Variants in PRKD1 observed in about 807,000 individuals in gnomAD.
The protein encoded by PRKD1 is protein kinase D1, also known as serine/threonine-protein kinase D1.
A neutral mutation model predicts 95.9 loss-of-function variants in PRKD1; 63 were observed. That is an observed-to-expected ratio of 0.66 (90% CI 0.54 to 0.81). The LOEUF is 0.81. Ranked by LOEUF, PRKD1 falls within the 30% of genes least tolerant of loss-of-function variation. PRKD1 has a pLI of 0.00. For synonymous variants in PRKD1, 425 were observed against 423.1 expected, an observed-to-expected ratio of 1.00 and a Z score of -0.05; for missense variants, 1,048 against 1,165.3, an observed-to-expected ratio of 0.90 and a Z score of 1.47.
intron 1 of PRKD1, among the ~76,000 whole-genome samples, chr14:29,816,544 A>C (rs2139258292): frequency 6.6e-6 from 1 of 152,348 alleles, no homozygotes; most frequent in South Asian, 2.1e-4. Context: ...TTGCTTTTCA[A>C]GTTCTCATCA....
intron 1 of PRKD1, among the ~76,000 whole-genome samples, chr14:29,903,705 G>T (rs1018928191): frequency 6.6e-6 from 1 of 152,038 alleles, no homozygotes; most frequent in Admixed American, 6.6e-5. Flanking sequence ...AGGGATAAAG[G>T]GGTGACAACT....
intron 2 of PRKD1, among the ~76,000 whole-genome samples, chr14:29,711,150 A>G (rs1018076121): frequency 6.6e-6 from 1 of 152,120 alleles, no homozygotes; most frequent in African/African-American, 2.4e-5. Context: ...AACATTACAC[A>G]TTTGTCCTAG....
chr14:29,648,845 G>A (rs1320434097), intron 4 of PRKD1, among the ~76,000 whole-genome samples: 19 of 152,054 alleles, frequency 1.2e-4, no homozygotes, highest in African/African-American at 4.3e-4. Context: ...TAGTAGAGAC[G>A]GGGTTTCACC....
chr14:29,911,518 A>G (rs779083775), intron 1 of PRKD1, among the ~76,000 whole-genome samples: 49 of 152,176 alleles, frequency 3.2e-4, no homozygotes, highest in African/African-American at 8.0e-4. Flanking sequence ...CTGACATAGA[A>G]GTATCAAATA....
intron 4 of PRKD1, among the ~76,000 whole-genome samples, chr14:29,652,056 T>C (rs915440301): frequency 6.6e-6 from 1 of 152,196 alleles, no homozygotes; most frequent in Non-Finnish European, 1.5e-5. Flanking sequence ...CTTTTTTTCA[T>C]ATTTCTCAGG....
intron 1 of PRKD1, among the ~76,000 whole-genome samples, chr14:29,926,980 A>G (rs1180154698): frequency 6.6e-6 from 1 of 151,886 alleles, no homozygotes; most frequent in Non-Finnish European, 1.5e-5. Context: ...AAATGTCATG[A>G]GAAGGATGGA....
intron 1 of PRKD1, among the ~76,000 whole-genome samples, chr14:29,902,870 A>T (rs1214139883): frequency 6.6e-6 from 1 of 152,220 alleles, no homozygotes; most frequent in Non-Finnish European, 1.5e-5. Flanking sequence ...ATCTCACTTC[A>T]AGCTAGACAT....
intron 1 of PRKD1, among the ~76,000 whole-genome samples, chr14:29,914,570 C>T (rs540864720): frequency 1.3e-5 from 2 of 152,096 alleles, no homozygotes; most frequent in African/African-American, 2.4e-5. Flanking sequence ...CCTATCTCTA[C>T]AAAAAATACA....
intron 1 of PRKD1, among the ~76,000 whole-genome samples, chr14:29,804,294 A>G (rs1229036448): frequency 6.6e-6 from 1 of 152,162 alleles, no homozygotes; most frequent in Non-Finnish European, 1.5e-5. Context: ...ACATTGTTAT[A>G]CAAGATTCCC....
rs1017650554 is a variant in PRKD1, at chr14:29,830,521, G to A, written c.264+96728C>T. Among the ~76,000 whole-genome samples the A allele has an allele frequency of 6.8e-4, 104 of 152,224 alleles. 1 individual carries two copies. The highest frequency in any genetic ancestry group is 2.5e-3 in the African/African-American group (102 of 41,526). On this transcript the variant is annotated intron_variant, in intron 1 of 17. Coordinates refer to ENST00000331968, the MANE Select transcript of PRKD1 (RefSeq NM_002742.3). The stretch of plus-strand genomic sequence containing the variant: ...AATGCATATATTTATCTCTCTGTGT[G>A]TGTGTGTATTTAACCATAACAATCA...
chr14:29,735,948 T>A (rs531706256), intron 1 of PRKD1, among the ~76,000 whole-genome samples: 1 of 152,342 alleles, frequency 6.6e-6, no homozygotes, highest in East Asian at 1.9e-4. Flanking sequence ...ATGCTGCACA[T>A]ATTAAAGCTA....
intron 17 of PRKD1, among the ~76,000 whole-genome samples, chr14:29,577,842 G>A (rs990694839): frequency 1.6e-4 from 25 of 152,110 alleles, no homozygotes; most frequent in Non-Finnish European, 2.6e-4. Context: ...TATTTGCCAT[G>A]CATTTGTTCC....
intron 1 of PRKD1, among the ~76,000 whole-genome samples, chr14:29,780,853 A>G (rs990795701): frequency 5.3e-5 from 8 of 152,156 alleles, no homozygotes; most frequent in Non-Finnish European, 8.8e-5. Flanking sequence ...CGTTTATTCC[A>G]GCACTATTCA....
chr14:29,850,512 C>T (rs1039980189), intron 1 of PRKD1, among the ~76,000 whole-genome samples: 2 of 151,356 alleles, frequency 1.3e-5, no homozygotes, highest in East Asian at 1.9e-4. Context: ...CCTAGGAATA[C>T]ATCTAACCAA....
At chr14:29,591,178 T>C (rs185408921) in intron 16 of PRKD1, 1 of 152,308 alleles carries the variant, frequency 6.6e-6, no homozygotes, top group East Asian at 1.9e-4. Context: ...CTGGTGTTTA[T>C]AGTTGTTTCT....
intron 1 of PRKD1, among the ~76,000 whole-genome samples, chr14:29,726,448 T>C (rs1399021821): frequency 6.6e-6 from 1 of 152,182 alleles, no homozygotes; most frequent in Non-Finnish European, 1.5e-5. Context: ...AAATTGACAT[T>C]TGTAATGTAG....
chr14:29,887,511 C>T (rs1893757960), intron 1 of PRKD1, among the ~76,000 whole-genome samples: 1 of 152,250 alleles, frequency 6.6e-6, no homozygotes, highest in South Asian at 2.1e-4. Context: ...ATAGAAGAAA[C>T]AGCACTGGGC....
chr14:29,884,738 A>G (rs1028183510), intron 1 of PRKD1, among the ~76,000 whole-genome samples: 34 of 152,240 alleles, frequency 2.2e-4, no homozygotes, highest in Non-Finnish European at 4.0e-4. Flanking sequence ...CTGAGCGTGG[A>G]GAAGGAGGCT....
chr14:29,594,996 T>G (rs1440851679), intron 16 of PRKD1, among the ~76,000 whole-genome samples: 2 of 151,782 alleles, frequency 1.3e-5, no homozygotes, highest in Non-Finnish European at 2.9e-5. Context: ...AGGTAACTTT[T>G]TTTTTTTTTT....
Sources: gnomAD v4.1 joint callset for allele counts (sites outside exome capture counted in the v4.1 genomes callset) on GRCh38, gnomAD v4.1.1 for gene constraint, MANE v1.5 for transcripts, NCBI Gene and HGNC (gene_info 2026-07-23, HGNC 2026-07-21) for gene names.